TIAM1: variants seen among roughly 807,000 people sequenced by gnomAD.
TIAM1 encodes TIAM Rac1 associated GEF 1.
A neutral mutation model predicts 163.5 loss-of-function variants in TIAM1; 65 were observed. That is an observed-to-expected ratio of 0.40 (90% CI 0.33 to 0.49). The LOEUF is 0.49. Among genes scored for constraint, TIAM1 ranks in the 20% least tolerant of loss-of-function variants. The pLI is 0.77. For missense variants in TIAM1, 1,789 were observed against 2,044.7 expected (o/e 0.87, Z 2.41); for synonymous variants, 833 against 810.1 (o/e 1.03, Z -0.48).
chr21:31,458,142 G>A (rs892569522), intron 2 of TIAM1, among the ~76,000 whole-genome samples: 8 of 152,310 alleles, frequency 5.3e-5, no homozygotes, highest in South Asian at 4.1e-4. Context: ...ACAATCGGCC[G>A]GGTGCGGGGG....
intron 2 of TIAM1, among the ~76,000 whole-genome samples, chr21:31,290,354 C>T (rs760482706): frequency 2.6e-4 from 40 of 151,950 alleles, no homozygotes; most frequent in Non-Finnish European, 2.4e-4. Flanking sequence ...CAAACATTGG[C>T]TGGGCATGGT....
At chr21:31,462,234 C>T (rs2045354817) in intron 2 of TIAM1, among the ~76,000 whole-genome samples, 1 of 152,168 alleles carries the variant, frequency 6.6e-6, no homozygotes, top group Non-Finnish European at 1.5e-5. Flanking sequence ...CTATAAATAA[C>T]AGGTACACAA....
chr21:31,254,933 A>G (rs2072013326), intron 4 of TIAM1, among the ~76,000 whole-genome samples: 1 of 152,194 alleles, frequency 6.6e-6, no homozygotes, highest in South Asian at 2.1e-4. Flanking sequence ...AGTTCACTAC[A>G]TTGCCAACAC....
intron 2 of TIAM1, among the ~76,000 whole-genome samples, chr21:31,350,924 G>A (rs2147116337): frequency 6.6e-6 from 1 of 152,308 alleles, no homozygotes; most frequent in East Asian, 1.9e-4. Flanking sequence ...ACAGAGTTTT[G>A]TACTAACCAC....
intron 1 of TIAM1, among the ~76,000 whole-genome samples, chr21:31,515,609 A>G (rs1055720632): frequency 6.6e-6 from 1 of 152,224 alleles, no homozygotes; most frequent in Non-Finnish European, 1.5e-5. Flanking sequence ...AAAACTTGAA[A>G]GGGCAGTGTG....
chr21:31,554,313 T>C (rs914539629), intron 1 of TIAM1, among the ~76,000 whole-genome samples: 1 of 152,208 alleles, frequency 6.6e-6, no homozygotes, highest in Non-Finnish European at 1.5e-5. Flanking sequence ...TCCTTTGCTC[T>C]TTAATAAAAT....
chr21:31,329,047 G>C (rs2075589256), intron 2 of TIAM1, among the ~76,000 whole-genome samples: 1 of 152,272 alleles, frequency 6.6e-6, no homozygotes, highest in Non-Finnish European at 1.5e-5. Flanking sequence ...TCAAATGTGT[G>C]GAAGGATGTG....
chr21:31,471,274 C>T (rs1212061991), intron 1 of TIAM1, among the ~76,000 whole-genome samples: 2 of 152,180 alleles, frequency 1.3e-5, no homozygotes, highest in Non-Finnish European at 2.9e-5. Context: ...AGCCCAGATC[C>T]GCCCCTCAGG....
At chr21:31,296,166 T>C (rs959545769) in intron 2 of TIAM1, among the ~76,000 whole-genome samples, 6 of 152,328 alleles carry the variant, frequency 3.9e-5, no homozygotes, top group African/African-American at 1.4e-4. Flanking sequence ...TGGTATACTA[T>C]TTAATGTATA....
chr21:31,138,354 T>C (rs2082705882), intron 22 of TIAM1, among the ~76,000 whole-genome samples: 1 of 152,208 alleles, frequency 6.6e-6, no homozygotes, highest in Non-Finnish European at 1.5e-5. Context: ...TCTTAAGGAA[T>C]GTTGGTTGAA....
rs772457613 is a variant in TIAM1, at chr21:31,365,387, C to CTTT, written c.-368-25968_-368-25966dup. On this transcript the variant is annotated intron_variant, in intron 2 of 28. Coordinates refer to the TIAM1 transcript ENST00000286827. ...GGGTCTGTGTCTCACTTATTTCTTT[C>CTTT]TTTTTTTTTTTTTTTTTTTGAGAGG... Among the ~76,000 whole-genome samples the CTTT allele has an allele frequency of 5.3e-3, 678 of 128,788 alleles. 12 individuals are homozygous for CTTT. The highest frequency in any genetic ancestry group is 0.014 in the African/African-American group (496 of 34,582). 84.5% of individuals were successfully genotyped at this position (128,788 alleles called of 152,430 possible).
At chr21:31,369,022 G>A (rs1279620173) in intron 2 of TIAM1, among the ~76,000 whole-genome samples, 7 of 149,908 alleles carry the variant, frequency 4.7e-5, no homozygotes, top group East Asian at 1.9e-4. Flanking sequence ...GGCGGATCAC[G>A]AGGTCGGGAG....
intron 2 of TIAM1, among the ~76,000 whole-genome samples, chr21:31,451,696 G>GTT: frequency 4.0e-5 from 2 of 49,500 alleles, no homozygotes; most frequent in Non-Finnish European, 1.1e-4. Context: ...CAGGCACCAG[G>GTT]CTGAGTGAAA....
chr21:31,244,680 G>C (rs1245405223), intron 6 of TIAM1, among the ~76,000 whole-genome samples: 1 of 152,212 alleles, frequency 6.6e-6, no homozygotes, highest in African/African-American at 2.4e-5. Flanking sequence ...AGCTGAGATC[G>C]TGCCACTGCA....
chr21:31,247,548 C>A (rs1041655122), intron 5 of TIAM1, among the ~76,000 whole-genome samples: 2 of 151,846 alleles, frequency 1.3e-5, no homozygotes, highest in Non-Finnish European at 2.9e-5. Context: ...GCATATACAA[C>A]CATACCTGGC....
chr21:31,535,408 A>G (rs1263093757), intron 1 of TIAM1, among the ~76,000 whole-genome samples: 2 of 140,738 alleles, frequency 1.4e-5, no homozygotes, highest in East Asian at 4.5e-4. Flanking sequence ...AAAAAAAAAA[A>G]AAGTTTATCC....
At chr21:31,336,725 G>A (rs145610997) in intron 2 of TIAM1, among the ~76,000 whole-genome samples, 1 of 152,166 alleles carries the variant, frequency 6.6e-6, no homozygotes, top group African/African-American at 2.4e-5. Flanking sequence ...AGGAACACTG[G>A]TTCCGAGGGG....
chr21:31,189,026 T>A, intron 13 of TIAM1, among the ~76,000 whole-genome samples: 1 of 148,648 alleles, frequency 6.7e-6, no homozygotes. Context: ...ACCTCAGGTA[T>A]GATTTGCTCC....
At chr21:31,383,442 G>A (rs1359403117) in intron 2 of TIAM1, among the ~76,000 whole-genome samples, 2 of 152,040 alleles carry the variant, frequency 1.3e-5, no homozygotes, top group Non-Finnish European at 2.9e-5. Context: ...CCACTCCCCA[G>A]GAACTCAAAA....
Sources: gnomAD v4.1 joint callset for allele counts (sites outside exome capture counted in the v4.1 genomes callset) on GRCh38, gnomAD v4.1.1 for gene constraint, MANE v1.5 for transcripts, NCBI Gene and HGNC (gene_info 2026-07-23, HGNC 2026-07-21) for gene names.